PDZRN4: variants seen among roughly 807,000 people sequenced by gnomAD.
PDZRN4 encodes PDZ domain containing ring finger 4, also known as PDZ domain-containing RING finger protein 4.
In PDZRN4, 70 loss-of-function variants were observed where a neutral mutation model predicts 99.0. The observed-to-expected ratio is 0.71, with a 90% CI of 0.58 to 0.86. The LOEUF is 0.86. Among genes scored for constraint, PDZRN4 ranks in the 40% least tolerant of loss-of-function variants. PDZRN4 has a pLI of 0.00. For missense variants in PDZRN4, 1,474 were observed against 1,331.2 expected (o/e 1.11, Z -1.67); for synonymous variants, 551 against 501.6 (o/e 1.10, Z -1.32).
chr12:41,228,002 T>C (rs187975400), intron 3 of PDZRN4, among the ~76,000 whole-genome samples: 8 of 152,156 alleles, frequency 5.3e-5, no homozygotes, highest in African/African-American at 7.2e-5. Flanking sequence ...TTTAGTTGAC[T>C]GATTATACTA....
intron 3 of PDZRN4, among the ~76,000 whole-genome samples, chr12:41,235,413 A>G (rs943011540): frequency 7.2e-5 from 11 of 152,162 alleles, no homozygotes; most frequent in Non-Finnish European, 1.5e-4. Context: ...AGAAAATATT[A>G]AACTAACAAA....
chr12:41,308,971 A>G (rs1016939652), intron 3 of PDZRN4, among the ~76,000 whole-genome samples: 1 of 152,058 alleles, frequency 6.6e-6, no homozygotes, highest in African/African-American at 2.4e-5. Context: ...TCCATTTGGG[A>G]AAAAAAGCTT....
intron 3 of PDZRN4, among the ~76,000 whole-genome samples, chr12:41,393,253 C>T (rs745361665): frequency 6.6e-6 from 1 of 152,146 alleles, no homozygotes; most frequent in African/African-American, 2.4e-5. Flanking sequence ...CAATAATTTT[C>T]CTTTTCATCA....
chr12:41,286,474 T>C (rs992948544), intron 3 of PDZRN4, among the ~76,000 whole-genome samples: 2 of 151,292 alleles, frequency 1.3e-5, no homozygotes, highest in Non-Finnish European at 1.5e-5. Flanking sequence ...CCCCAGCTAA[T>C]CCCTGACCTG....
chr12:41,229,679 A>AT (rs1415853999), intron 3 of PDZRN4, among the ~76,000 whole-genome samples: 6 of 151,888 alleles, frequency 4.0e-5, no homozygotes, highest in Admixed American at 2.6e-4. Flanking sequence ...GTGCCCTTGG[A>AT]TTTTTTCATT....
intron 3 of PDZRN4, among the ~76,000 whole-genome samples, chr12:41,335,285 T>C (rs1277986376): frequency 2.0e-5 from 3 of 151,910 alleles, no homozygotes; most frequent in African/African-American, 7.2e-5. Context: ...ATTATTATAC[T>C]TTAAGTTCTA....
chr12:41,286,065 C>G (rs956236635), intron 3 of PDZRN4, among the ~76,000 whole-genome samples: 4 of 151,622 alleles, frequency 2.6e-5, no homozygotes, highest in Non-Finnish European at 1.5e-5. Context: ...AAATTTAACT[C>G]CTGATTGCTT....
intron 3 of PDZRN4, among the ~76,000 whole-genome samples, chr12:41,469,224 G>T (rs1305898969): frequency 2.0e-5 from 3 of 152,138 alleles, no homozygotes; most frequent in Admixed American, 6.5e-5. Context: ...ATAGCCGGCT[G>T]AAGATTTATG....
In PDZRN4 at chr12:41,252,401, C is replaced by T. The variant is rs531659356; in HGVS notation, c.843+58213C>T. The stretch of plus-strand genomic sequence containing the variant: ...ATAGAGGCAAATTCTAAATGTTATC[C>T]TGAGTGATAGCAGGCAGACACAAAA... On this transcript the variant is annotated intron_variant, in intron 3 of 9. Coordinates refer to ENST00000402685, the MANE Select transcript of PDZRN4 (RefSeq NM_001164595.2). 1.3e-4 allele frequency among the ~76,000 whole-genome samples: 20 copies of T among 152,176 alleles called. 1 individual carries two copies. The South Asian group carries it at 3.7e-3, about 28-fold the overall frequency.
intron 3 of PDZRN4, among the ~76,000 whole-genome samples, chr12:41,398,325 A>G (rs1565571984): frequency 6.6e-6 from 1 of 152,100 alleles, no homozygotes; most frequent in South Asian, 2.1e-4. Context: ...CTGGGAAACT[A>G]TGGGATTTGC....
At chr12:41,476,779 T>A (rs1326219047) in intron 3 of PDZRN4, among the ~76,000 whole-genome samples, 1 of 152,222 alleles carries the variant, frequency 6.6e-6, no homozygotes, top group Non-Finnish European at 1.5e-5. Flanking sequence ...TTCCCATGCC[T>A]GCCTGGCGGC....
chr12:41,554,341 T>C (rs995575172), intron 6 of PDZRN4, among the ~76,000 whole-genome samples: 9 of 152,196 alleles, frequency 5.9e-5, no homozygotes, highest in Non-Finnish European at 2.9e-5. Context: ...TATTTAAATA[T>C]GTCAGAATTG....
Position 41,189,108 on chromosome 12 carries a change from G to C in PDZRN4, c.648+5G>C. On this transcript the variant is annotated splice_donor_5th_base_variant and intron_variant, in intron 1 of 9. Transcript: ENST00000402685. The stretch of plus-strand genomic sequence containing the variant: ...CTCGGTGGCGGCCACCGCAGGGTAA[G>C]CAAAGGGGGGTGGGCACCGCGGGCA... The C allele has an allele frequency of 6.3e-7, 1 of 1,578,022 alleles. No homozygotes were observed. Among genetic ancestry groups the C allele is most frequent in the Non-Finnish European group, 8.5e-7 (1 of 1,170,226 alleles).
intron 3 of PDZRN4, among the ~76,000 whole-genome samples, chr12:41,252,664 C>G (rs372070522): frequency 6.6e-6 from 1 of 152,000 alleles, no homozygotes; most frequent in Non-Finnish European, 1.5e-5. Context: ...TGCTTGAACC[C>G]GGGAGGTGGA....
intron 3 of PDZRN4, among the ~76,000 whole-genome samples, chr12:41,324,522 T>TTCGTTTACACAC (rs2120979777): frequency 6.6e-6 from 1 of 152,200 alleles, no homozygotes; most frequent in Admixed American, 6.5e-5. Flanking sequence ...TTTGGGAAAA[T>TTCGTTTACACAC]AGCAATATTT....
intron 3 of PDZRN4, among the ~76,000 whole-genome samples, chr12:41,251,988 T>C (rs572629243): frequency 1.4e-4 from 21 of 152,130 alleles, no homozygotes; most frequent in African/African-American, 4.8e-4. Context: ...TGGTAGTATG[T>C]GCCTGTAGTC....
At chr12:41,274,433 C>A (rs1951336589) in intron 3 of PDZRN4, among the ~76,000 whole-genome samples, 1 of 152,076 alleles carries the variant, frequency 6.6e-6, no homozygotes, top group Admixed American at 6.6e-5. Context: ...GAGCTTGTTT[C>A]TATGTTTAGT....
At chr12:41,553,840 T>C (rs988173324) in intron 6 of PDZRN4, among the ~76,000 whole-genome samples, 2 of 149,794 alleles carry the variant, frequency 1.3e-5, no homozygotes, top group Admixed American at 6.7e-5. Flanking sequence ...TGCTCTATGC[T>C]GTTCTGAGTT....
chr12:41,414,643 T>A (rs1278164099), intron 3 of PDZRN4, among the ~76,000 whole-genome samples: 2 of 151,974 alleles, frequency 1.3e-5, no homozygotes, highest in South Asian at 2.1e-4. Flanking sequence ...ATTAAAAAAA[T>A]TATTAATATC....
Sources: allele counts gnomAD v4.1 joint callset (sites outside exome capture counted in the v4.1 genomes callset), GRCh38; gene constraint gnomAD v4.1.1; transcripts MANE v1.5; gene names NCBI Gene and HGNC (gene_info 2026-07-23, HGNC 2026-07-21).